MAST4: variants seen among roughly 807,000 people sequenced by gnomAD.
The protein encoded by MAST4 is microtubule-associated serine/threonine-protein kinase 4.
In MAST4, 89 loss-of-function variants were observed where a neutral mutation model predicts 162.7. The ratio of observed to expected loss-of-function variants is 0.55; its 90% CI spans 0.46 to 0.65. The LOEUF (loss-of-function observed/expected upper bound fraction) is 0.65, where lower values mean the gene tolerates loss of function less well. MAST4 is among the 30% of genes least tolerant of loss of function. The pLI, the probability that MAST4 is intolerant of heterozygous loss-of-function variation, is 0.00. For synonymous variants in MAST4, 1,479 were observed against 1,361.1 expected (o/e 1.09, Z -1.91); for missense variants, 3,153 against 3,374.0 (o/e 0.93, Z 1.62).
intron 1 of MAST4, among the ~76,000 whole-genome samples, chr5:66,673,296 C>T (rs929079378): frequency 7.9e-5 from 12 of 152,066 alleles, no homozygotes; most frequent in South Asian, 6.3e-4. Flanking sequence ...TCTAAAGTTT[C>T]GTGTTATTAT....
chr5:66,965,934 A>G (rs147442933), intron 4 of MAST4, among the ~76,000 whole-genome samples: 43 of 152,334 alleles, frequency 2.8e-4, no homozygotes, highest in African/African-American at 9.1e-4. Context: ...AGAAACTCCA[A>G]TGAGGATGCT....
chr5:67,030,870 C>A (rs1259488700), intron 4 of MAST4, among the ~76,000 whole-genome samples: 3 of 152,036 alleles, frequency 2.0e-5, no homozygotes, highest in Non-Finnish European at 4.4e-5. Flanking sequence ...CTAAAGAGGC[C>A]AAGGTCATGG....
At chr5:66,726,486 T>C (rs1219690677) in intron 1 of MAST4, among the ~76,000 whole-genome samples, 1 of 152,014 alleles carries the variant, frequency 6.6e-6, no homozygotes, top group Non-Finnish European at 1.5e-5. Context: ...GGAGTTGCAG[T>C]TGAATTTGGA....
chr5:67,071,914 A>G (rs1316813320), intron 5 of MAST4, among the ~76,000 whole-genome samples: 1 of 151,238 alleles, frequency 6.6e-6, no homozygotes, highest in Non-Finnish European at 1.5e-5. Context: ...ACTAATAGCA[A>G]TATAGATCTA....
Position 67,160,481 on chromosome 5 carries a change from C to CT in MAST4, c.3675dup (p.Thr1226TyrfsTer4). 1 of 1,613,784 alleles carries CT rather than the reference C, an allele frequency of 6.2e-7. No homozygotes were observed. The highest frequency in any genetic ancestry group is 8.5e-7 in the Non-Finnish European group (1 of 1,179,804). On this transcript the variant is annotated frameshift_variant, in exon 27 of 29. Coordinates refer to ENST00000403625, the MANE Select transcript of MAST4 (RefSeq NM_001164664.2). LOFTEE classifies it high-confidence loss of function. ...AGTGGGAATAAGGTGTCAATCACTA[C>CT]TACCCCATTTGAAAACACATCAATC...
chr5:66,646,735 C>A (rs1443987334), intron 1 of MAST4, among the ~76,000 whole-genome samples: 1 of 152,106 alleles, frequency 6.6e-6, no homozygotes, highest in Non-Finnish European at 1.5e-5. Context: ...GTGTCAAGAG[C>A]ACTTTATGAA....
chr5:66,966,247 T>C (rs904974508), intron 4 of MAST4, among the ~76,000 whole-genome samples: 1 of 152,252 alleles, frequency 6.6e-6, no homozygotes, highest in Non-Finnish European at 1.5e-5. Context: ...GTTTTAATTA[T>C]CTGGTTTAGG....
At chr5:66,665,124 T>G (rs1447397402) in intron 1 of MAST4, among the ~76,000 whole-genome samples, 2 of 152,248 alleles carry the variant, frequency 1.3e-5, no homozygotes, top group Non-Finnish European at 2.9e-5. Flanking sequence ...GGAGGAGAAC[T>G]TGATATAGTG....
At chr5:66,749,336 G>T (rs892152370) in intron 1 of MAST4, among the ~76,000 whole-genome samples, 8 of 152,108 alleles carry the variant, frequency 5.3e-5, no homozygotes, top group African/African-American at 1.9e-4. Flanking sequence ...CCACTGTACT[G>T]CTCCGTTCAT....
At chr5:67,057,115 C>T (rs1018264944) in intron 5 of MAST4, among the ~76,000 whole-genome samples, 1 of 152,112 alleles carries the variant, frequency 6.6e-6, no homozygotes, top group Non-Finnish European at 1.5e-5. Context: ...CTGGTAGATT[C>T]CTATTTCTGT....
intron 4 of MAST4, among the ~76,000 whole-genome samples, chr5:67,004,340 A>G (rs1324314934): frequency 6.6e-6 from 1 of 152,218 alleles, no homozygotes; most frequent in Non-Finnish European, 1.5e-5. Context: ...GCCTCCTCCC[A>G]GCCGGACCCT....
intron 4 of MAST4, chr5:67,004,752 A>G (rs140437920): frequency 1.9e-5 from 9 of 474,460 alleles, no homozygotes; most frequent in Non-Finnish European, 3.5e-5. Context: ...AGAGGAAATC[A>G]GTTTCCCGGA....
chr5:66,879,202 C>T (rs888293397), intron 3 of MAST4, among the ~76,000 whole-genome samples: 2 of 152,058 alleles, frequency 1.3e-5, no homozygotes, highest in South Asian at 4.2e-4. Context: ...TGGCGTGGAC[C>T]CGGGAGGCGG....
Position 67,134,203 on chromosome 5 carries a change from TA to T in MAST4, c.2227-317del, listed in dbSNP as rs569071897. On this transcript the variant is annotated intron_variant, in intron 17 of 28. Transcript: ENST00000403625. ...CAAACTTAAAAATGCATTATTATTT[TA>T]AATTTAAGGATTATAAGTGGTTTTA... 2.1e-4 allele frequency among the ~76,000 whole-genome samples: 32 copies of T among 152,330 alleles called. No homozygotes were observed. In the South Asian group the frequency reaches 6.2e-3, roughly 30 times the overall value.
chr5:66,881,529 C>CA (rs1761693735), intron 3 of MAST4, among the ~76,000 whole-genome samples: 1 of 152,186 alleles, frequency 6.6e-6, no homozygotes, highest in Non-Finnish European at 1.5e-5. Context: ...GTGACAGCCC[C>CA]ACCTCTCCTA....
intron 4 of MAST4, among the ~76,000 whole-genome samples, chr5:66,965,671 T>C (rs1023747394): frequency 4.7e-5 from 7 of 150,494 alleles, no homozygotes; most frequent in African/African-American, 1.7e-4. Context: ...GTAGAAATAA[T>C]GTGTGTCACT....
At chr5:67,082,413 G>A (rs957827026) in intron 5 of MAST4, among the ~76,000 whole-genome samples, 13 of 152,206 alleles carry the variant, frequency 8.5e-5, no homozygotes, top group African/African-American at 2.6e-4. Context: ...GATTGCAGGC[G>A]TGAGCCACCG....
In MAST4 at chr5:66,788,693, G is replaced by A; in HGVS notation, c.541G>A (p.Val181Met). 2 of 1,534,124 alleles carry A rather than the reference G, an allele frequency of 1.3e-6. No homozygotes were observed. The highest frequency in any genetic ancestry group is 1.8e-6 in the Non-Finnish European group (2 of 1,130,916). ...AGGGAGGTACCTTCTTCCAAACCCG[G>A]TGGCGGGACAGGCCTGGCCGGCCTC... is the stretch of plus-strand genomic sequence containing the variant. Reference protein sequence around the residue: ...LTGRYLLPNPVAGQAWPASAE... With the variant: ...LTGRYLLPNPMAGQAWPASAE... The change falls in exon 3 of 29, where the codon GTG becomes ATG. Residue 181 changes from valine (V) to methionine (M), a missense_variant. Val to Met is a conservative substitution (Grantham distance 21, BLOSUM62 1). Around this residue, in one of 7 missense-constraint regions of MAST4, gnomAD observed 327 missense variants for 336.5 expected, o/e 0.97. Transcript: ENST00000403625.
At chr5:67,162,846 TC>T (rs1365889418) in intron 28 of MAST4, 58 bp downstream of exon 28, 1 of 1,518,534 alleles carries the variant, frequency 6.6e-7, no homozygotes, top group Non-Finnish European at 8.9e-7. Context: ...TCATGTGAGG[TC>T]CCCAAAAAAC....
Sources: gnomAD v4.1 joint callset for allele counts (sites outside exome capture counted in the v4.1 genomes callset) on GRCh38, gnomAD v4.1.1 for gene constraint, gnomAD v4.1.1 regional missense constraint, MANE v1.5 for transcripts, NCBI Gene and HGNC (gene_info 2026-07-23, HGNC 2026-07-21) for gene names.